SETMAR: variants seen among roughly 807,000 people sequenced by gnomAD.
The protein encoded by SETMAR is histone-lysine N-methyltransferase SETMAR.
SETMAR carries 44 observed loss-of-function variants against 58.4 expected under a neutral mutation model. The ratio of observed to expected loss-of-function variants is 0.75; its 90% CI spans 0.59 to 0.97. The LOEUF is 0.97. SETMAR is among the 50% of genes least tolerant of loss of function. The probability of loss-of-function intolerance (pLI) is 0.00; values close to 1 mark genes in which losing one functional copy is unlikely to be tolerated. For synonymous variants in SETMAR, 332 were observed against 307.4 expected (o/e 1.08, Z -0.84); for missense variants, 903 against 840.2 (o/e 1.07, Z -0.92).
In SETMAR at chr3:4,313,423, C is replaced by G; in HGVS notation, c.682C>G (p.Pro228Ala). 1.2e-6 allele frequency: 2 copies of G among 1,613,962 alleles called. No homozygotes were observed. The highest frequency in any genetic ancestry group is 1.7e-6 in the Non-Finnish European group (2 of 1,179,974). ...AAGATTCCTTAATCATTCTTGTGAG[C>G]CAAACCTTTTGATGATTCCTGTCCG... is the stretch of plus-strand genomic sequence containing the variant. ...IGRFLNHSCE[P>A]NLLMIPVRID... is the part of the protein sequence containing the mutation. Residue 228 changes from proline to alanine, a missense_variant, in exon 2 of 3, where the codon CCA (proline) becomes GCA (alanine). Pro to Ala is a conservative substitution (Grantham distance 27). Transcript: ENST00000358065.
At position 4,313,723 on chromosome 3, in the gene SETMAR, C is replaced by T. The variant is rs1249464850; in HGVS notation, c.982C>T (p.Pro328Ser). 3.1e-6 allele frequency: 5 copies of T among 1,613,876 alleles called. No individual in the cohort carries two copies. The highest frequency in any genetic ancestry group is 4.2e-6 in the Non-Finnish European group (5 of 1,179,972). The change falls in exon 2 of 3, where the codon CCT becomes TCT. Residue 328 changes from proline to serine, a missense_variant. Transcript: ENST00000358065. ...EKEPSMCGSA[P>S]SVFPSCKRLT... The stretch of plus-strand genomic sequence containing the variant: ...GGAACCCAGCATGTGTGGCTCAGCC[C>T]CTTCTGTGTTCCCCTCCTGCAAGCG...
chr3:4,305,993 T>C (rs1053388832), intron 1 of SETMAR, among the ~76,000 whole-genome samples: 13 of 152,366 alleles, frequency 8.5e-5, no homozygotes, highest in African/African-American at 3.1e-4. Context: ...ACCACTGTTC[T>C]AGTCCATTCT....
At chr3:4,308,282 C>A (rs576106270) in intron 1 of SETMAR, among the ~76,000 whole-genome samples, 1 of 152,340 alleles carries the variant, frequency 6.6e-6, no homozygotes, top group African/African-American at 2.4e-5. Flanking sequence ...ATTTTCTTCA[C>A]TACCCTACTA....
intron 1 of SETMAR, among the ~76,000 whole-genome samples, chr3:4,308,470 A>G (rs1698279127): frequency 2.0e-5 from 3 of 152,254 alleles, no homozygotes; most frequent in Admixed American, 6.5e-5. Flanking sequence ...TAAAAGTAAT[A>G]TCTAGAAGAA....
chr3:4,312,000 TA>T (rs1698424257), intron 1 of SETMAR, among the ~76,000 whole-genome samples: 1 of 152,216 alleles, frequency 6.6e-6, no homozygotes, highest in Non-Finnish European at 1.5e-5. Context: ...TCTTTTTATA[TA>T]ACATTTTACA....
chr3:4,313,160 A>G lies in SETMAR; in HGVS notation c.419A>G (p.His140Arg). ...NRVVQKGLQF[H>R]FQVFKTHKKG... The stretch of plus-strand genomic sequence containing the variant: ...GTGGTCCAGAAAGGTCTACAGTTCC[A>G]CTTCCAAGTGTTCAAGACGCATAAA... Residue 140 changes from histidine (H) to arginine (R), a missense_variant, in exon 2 of 3, where the codon CAC becomes CGC. His to Arg is a conservative substitution (Grantham distance 29, BLOSUM62 0). Coordinates refer to ENST00000358065, the MANE Select transcript of SETMAR (RefSeq NM_006515.4). 6.2e-7 allele frequency: 1 copy of G among 1,614,062 alleles called. No homozygotes were observed. Among genetic ancestry groups the G allele is most frequent in the Non-Finnish European group, 8.5e-7 (1 of 1,179,958 alleles).
At chr3:4,310,789 T>A (rs934060934) in intron 1 of SETMAR, among the ~76,000 whole-genome samples, 1 of 152,196 alleles carries the variant, frequency 6.6e-6, no homozygotes, top group Non-Finnish European at 1.5e-5. Flanking sequence ...AAAAAAACTT[T>A]AGCGTTTAGT....
chr3:4,305,719 C>T (rs1490447990), intron 1 of SETMAR, among the ~76,000 whole-genome samples: 2 of 152,160 alleles, frequency 1.3e-5, no homozygotes, highest in Admixed American at 1.3e-4. Context: ...AAAATTAAAA[C>T]TCCTCTGATG....
At chr3:4,307,556 G>C (rs951444849) in intron 1 of SETMAR, among the ~76,000 whole-genome samples, 1 of 152,184 alleles carries the variant, frequency 6.6e-6, no homozygotes, top group Non-Finnish European at 1.5e-5. Flanking sequence ...CAAGACAAGA[G>C]TGTATTTTCT....
chr3:4,303,957 C>A, intron 1 of SETMAR: 1 of 931,294 alleles, frequency 1.1e-6, no homozygotes, highest in Non-Finnish European at 1.4e-6. Context: ...TGTGGTCTCC[C>A]TCACGCTGTG....
chr3:4,311,774 A>G (rs113560945), intron 1 of SETMAR, among the ~76,000 whole-genome samples: 1,705 of 152,236 alleles, frequency 0.011, 22 homozygotes, highest in African/African-American at 0.038. Context: ...CATTTATCTT[A>G]CCTGTTTATA....
At chr3:4,310,501 C>T (rs923495821) in intron 1 of SETMAR, among the ~76,000 whole-genome samples, 8 of 152,166 alleles carry the variant, frequency 5.3e-5, no homozygotes, top group Non-Finnish European at 7.4e-5. Flanking sequence ...ATATCCATCA[C>T]GGGGAAAAAA....
chr3:4,310,954 C>A (rs1346763405), intron 1 of SETMAR, among the ~76,000 whole-genome samples: 3 of 152,160 alleles, frequency 2.0e-5, no homozygotes, highest in African/African-American at 7.2e-5. Flanking sequence ...CTTTAAAAAG[C>A]TGAAAGTAGA....
chr3:4,306,217 A>G (rs1362477982), intron 1 of SETMAR, among the ~76,000 whole-genome samples: 1 of 152,188 alleles, frequency 6.6e-6, no homozygotes, highest in Non-Finnish European at 1.5e-5. Context: ...TGCCATATCC[A>G]AGAACAATCT....
chr3:4,303,959 C>CA (rs1698068866), intron 1 of SETMAR: 1 of 898,212 alleles, frequency 1.1e-6, no homozygotes, highest in Non-Finnish European at 1.5e-6. Context: ...TGGTCTCCCT[C>CA]ACGCTGTGGG....
chr3:4,305,771 G>T (rs1698166748), intron 1 of SETMAR, among the ~76,000 whole-genome samples: 1 of 152,168 alleles, frequency 6.6e-6, no homozygotes, highest in Non-Finnish European at 1.5e-5. Context: ...AGGTGCCTTG[G>T]GTAGGAATTT....
intron 2 of SETMAR, among the ~76,000 whole-genome samples, chr3:4,315,243 C>T (rs1320536078): frequency 1.3e-5 from 2 of 152,218 alleles, no homozygotes; most frequent in Non-Finnish European, 2.9e-5. Flanking sequence ...GTATCCCTCA[C>T]TCCAAAATGT....
chr3:4,316,046 C>CAA (rs774059331), intron 2 of SETMAR, among the ~76,000 whole-genome samples, 166 bp from the exon 3 acceptor site: 29 of 76,640 alleles, frequency 3.8e-4, no homozygotes, highest in East Asian at 5.3e-4. Context: ...GACTCTGTCT[C>CAA]AAAAAAAAAA....
At chr3:4,315,010 A>G (rs185694689) in intron 2 of SETMAR, among the ~76,000 whole-genome samples, 178 of 152,330 alleles carry the variant, frequency 1.2e-3, no homozygotes, top group South Asian at 2.3e-3. Flanking sequence ...TTATATCTCA[A>G]TAAAGCTAGG....
Sources: allele counts gnomAD v4.1 joint callset (sites outside exome capture counted in the v4.1 genomes callset), GRCh38; gene constraint gnomAD v4.1.1; transcripts MANE v1.5; gene names NCBI Gene and HGNC (gene_info 2026-07-23, HGNC 2026-07-21).